Variants in ARHGAP8 observed in about 807,000 individuals in gnomAD.
ARHGAP8 encodes the protein Rho GTPase activating protein 8.
In ARHGAP8, 62 loss-of-function variants were observed where a neutral mutation model predicts 46.1. The ratio of observed to expected loss-of-function variants is 1.34; its 90% CI spans 1.10 to 1.66. ARHGAP8 has a LOEUF of 1.66. Ranked by LOEUF, ARHGAP8 falls within the 40% of genes most tolerant of loss-of-function variation. The probability of loss-of-function intolerance (pLI) is 0.00; values close to 1 mark genes in which losing one functional copy is unlikely to be tolerated. For synonymous variants in ARHGAP8, 375 were observed against 243.1 expected (o/e 1.54, Z -5.05); for missense variants, 923 against 568.4 (o/e 1.62, Z -6.34).
intron 8 of ARHGAP8, 152 bp from the exon 9 acceptor site, chr22:44,847,821 G>C (rs556539185): frequency 2.0e-6 from 2 of 987,498 alleles, no homozygotes; most frequent in East Asian, 5.2e-5. Flanking sequence ...AAATCGGGTG[G>C]GTTGGGGAAT....
At chr22:44,812,853 T>TA (rs1929435990) in intron 4 of ARHGAP8, among the ~76,000 whole-genome samples, 1 of 152,162 alleles carries the variant, frequency 6.6e-6, no homozygotes, top group African/African-American at 2.4e-5. Flanking sequence ...TCTCCTCACT[T>TA]ATTTATCTCA....
chr22:44,862,141 C>A (rs2070520468), intron 11 of ARHGAP8, 134 bp from the exon 12 acceptor site: 2 of 1,086,394 alleles, frequency 1.8e-6, no homozygotes, highest in Non-Finnish European at 2.5e-6. Context: ...ACAGGGTCCC[C>A]ATTACTGGCT....
At chr22:44,828,944 C>A (rs1930734117) in intron 7 of ARHGAP8, among the ~76,000 whole-genome samples, 1 of 151,860 alleles carries the variant, frequency 6.6e-6, no homozygotes, top group African/African-American at 2.4e-5. Context: ...TTTAGAGCCA[C>A]TTCTCTCTTC....
At chr22:44,796,016 C>A (rs1928059818) in intron 2 of ARHGAP8, among the ~76,000 whole-genome samples, 1 of 151,140 alleles carries the variant, frequency 6.6e-6, no homozygotes, top group Admixed American at 6.6e-5. Context: ...GCTGTCCCTC[C>A]CCCTCCTCAC....
At chr22:44,841,221 A>T (rs918510910) in intron 7 of ARHGAP8, among the ~76,000 whole-genome samples, 13 of 121,768 alleles carry the variant, frequency 1.1e-4, no homozygotes, top group African/African-American at 4.1e-4. Context: ...GAATCTGAGT[A>T]AAGTTTCCAT....
At chr22:44,803,282 C>T (rs1218546809) in intron 3 of ARHGAP8, among the ~76,000 whole-genome samples, 11 of 152,008 alleles carry the variant, frequency 7.2e-5, no homozygotes, top group Admixed American at 4.6e-4. Flanking sequence ...GGTGGGGGGC[C>T]GTAGAAAATC....
chr22:44,803,512 T>C (rs1928703565), intron 3 of ARHGAP8, among the ~76,000 whole-genome samples: 1 of 151,326 alleles, frequency 6.6e-6, no homozygotes, highest in South Asian at 2.1e-4. Flanking sequence ...TCCCCCAGCC[T>C]TTGCATGCAG....
chr22:44,796,219 C>T (rs1261530723), intron 2 of ARHGAP8, among the ~76,000 whole-genome samples: 3 of 152,198 alleles, frequency 2.0e-5, no homozygotes, highest in African/African-American at 7.2e-5. Context: ...TGGAGCTGGG[C>T]AGCAAAGCCA....
chr22:44,804,097 C>T (rs1299010234), intron 3 of ARHGAP8, among the ~76,000 whole-genome samples: 1 of 152,006 alleles, frequency 6.6e-6, no homozygotes, highest in Non-Finnish European at 1.5e-5. Context: ...CTCCATCACC[C>T]TCCTCAAAGC....
At chr22:44,806,615 A>G (rs1928937260) in intron 3 of ARHGAP8, among the ~76,000 whole-genome samples, 3 of 152,112 alleles carry the variant, frequency 2.0e-5, no homozygotes, top group Non-Finnish European at 4.4e-5. Flanking sequence ...CCTGCAGTTC[A>G]GGTGGTATGG....
chr22:44,851,186 TC>T (rs2070083661), intron 10 of ARHGAP8, among the ~76,000 whole-genome samples: 1 of 152,068 alleles, frequency 6.6e-6, no homozygotes, highest in Non-Finnish European at 1.5e-5. Flanking sequence ...TTTGTCCACT[TC>T]CGGATAGGCA....
chr22:44,806,210 G>A (rs1486303089), intron 3 of ARHGAP8, among the ~76,000 whole-genome samples: 1 of 152,194 alleles, frequency 6.6e-6, no homozygotes, highest in African/African-American at 2.4e-5. Flanking sequence ...TGGAAGTCTC[G>A]ACCTGGGTTT....
intron 2 of ARHGAP8, among the ~76,000 whole-genome samples, chr22:44,790,884 C>T (rs965011310): frequency 3.3e-5 from 5 of 151,624 alleles, no homozygotes; most frequent in Admixed American, 6.6e-5. Context: ...AGGCACGTGC[C>T]GCCATGCCCA....
At chr22:44,857,556 A>G (rs917418600) in intron 10 of ARHGAP8, among the ~76,000 whole-genome samples, 2 of 152,156 alleles carry the variant, frequency 1.3e-5, no homozygotes, top group Non-Finnish European at 2.9e-5. Flanking sequence ...GCCAGGTTGG[A>G]AGAAGAGTGG....
chr22:44,768,137 T>C (rs1460301596), intron 1 of ARHGAP8, among the ~76,000 whole-genome samples: 2 of 150,166 alleles, frequency 1.3e-5, no homozygotes, highest in Non-Finnish European at 3.0e-5. Flanking sequence ...ACTGGTATTA[T>C]AGGCGCCCAC....
intron 7 of ARHGAP8, among the ~76,000 whole-genome samples, chr22:44,843,020 G>A (rs1291667013): frequency 6.6e-6 from 1 of 152,108 alleles, no homozygotes; most frequent in Non-Finnish European, 1.5e-5. Context: ...ATGACCTGTG[G>A]ACTCTAAGGA....
Position 44,768,799 on chromosome 22 carries a change from G to C in ARHGAP8, c.-72+16172G>C, listed in dbSNP as rs531756360. Among the ~76,000 whole-genome samples, 3 of 151,892 alleles carry C rather than the reference G, an allele frequency of 2.0e-5. No individual in the cohort carries two copies. In the South Asian group the frequency reaches 6.3e-4, roughly 32 times the overall value. ...GACGCCAGATGAGCTTCTTGGCTGA[G>C]GTGGTGGCTGCCAGAGTCCCTGTCG... On this transcript the variant is annotated intron_variant, in intron 1 of 11. Transcript: ENST00000356099.
At chr22:44,772,863 C>T (rs931571315) in intron 1 of ARHGAP8, among the ~76,000 whole-genome samples, 2 of 149,270 alleles carry the variant, frequency 1.3e-5, no homozygotes. Flanking sequence ...CCAGGTCTCC[C>T]GTGATTGTGC....
At chr22:44,803,210 C>G (rs1928681405) in intron 3 of ARHGAP8, among the ~76,000 whole-genome samples, 1 of 152,126 alleles carries the variant, frequency 6.6e-6, no homozygotes, top group African/African-American at 2.4e-5. Flanking sequence ...GTGCCTGGGC[C>G]CCATGTCCCT....
Sources: gnomAD v4.1 joint callset for allele counts (sites outside exome capture counted in the v4.1 genomes callset) on GRCh38, gnomAD v4.1.1 for gene constraint, MANE v1.5 for transcripts, NCBI Gene and HGNC (gene_info 2026-07-23, HGNC 2026-07-21) for gene names.